The following MCC variants were observed in gnomAD, a reference collection of about 807,000 sequenced individuals.
The protein encoded by MCC is MCC regulator of Wnt signaling pathway.
MCC carries 90 observed loss-of-function variants against 116.2 expected under a neutral mutation model. The ratio of observed to expected loss-of-function variants is 0.77; its 90% CI spans 0.65 to 0.92. The LOEUF (loss-of-function observed/expected upper bound fraction) is 0.92, where lower values mean the gene tolerates loss of function less well. MCC is among the 40% of genes least tolerant of loss of function. The pLI, the probability that MCC is intolerant of heterozygous loss-of-function variation, is 0.00. For synonymous variants in MCC, 578 were observed against 510.5 expected, an observed-to-expected ratio of 1.13 and a Z score of -1.78; for missense variants, 1,516 against 1,312.2, an observed-to-expected ratio of 1.16 and a Z score of -2.40.
At chr5:113,235,307 A>C (rs534195266) in intron 3 of MCC, among the ~76,000 whole-genome samples, 245 of 152,342 alleles carry the variant, frequency 1.6e-3, no homozygotes, top group Non-Finnish European at 2.9e-3. Context: ...CTAAATAAAA[A>C]CACTAGCCTC....
At chr5:113,189,390 T>C (rs1248844322) in intron 3 of MCC, among the ~76,000 whole-genome samples, 3 of 152,202 alleles carry the variant, frequency 2.0e-5, no homozygotes, top group African/African-American at 7.2e-5. Flanking sequence ...AGAATGCTGC[T>C]TGAAGGATCA....
chr5:113,466,630 G>A (rs1172862684), intron 1 of MCC, among the ~76,000 whole-genome samples: 2 of 151,990 alleles, frequency 1.3e-5, no homozygotes, highest in Non-Finnish European at 2.9e-5. Flanking sequence ...TGTGAATAGT[G>A]CTGCTATAAA....
At chr5:113,234,891 C>T (rs1405020539) in intron 3 of MCC, among the ~76,000 whole-genome samples, 5 of 152,162 alleles carry the variant, frequency 3.3e-5, no homozygotes, top group African/African-American at 1.2e-4. Context: ...ATGAAAGAGA[C>T]AAAAATATCT....
In MCC at chr5:113,404,931, C is replaced by G. The variant is rs139212916; in HGVS notation, c.171-19719G>C. On this transcript the variant is annotated intron_variant, in intron 1 of 18. Coordinates refer to ENST00000408903, the MANE Select transcript of MCC (RefSeq NM_001085377.2). ...GCACAGACTACATCTGGAAGGAGACCTACGGAGCTGTTACCAGTGACTGAC... is the reference window on the plus strand; with the variant it reads ...GCACAGACTACATCTGGAAGGAGACGTACGGAGCTGTTACCAGTGACTGAC... Among the ~76,000 whole-genome samples, 767 of 152,228 alleles carry G rather than the reference C, an allele frequency of 5.0e-3. 4 individuals are homozygous for G. Among genetic ancestry groups the G allele is most frequent in the African/African-American group, 0.017 (714 of 41,534 alleles).
chr5:113,231,459 A>G (rs146829176), intron 3 of MCC, among the ~76,000 whole-genome samples: 1 of 152,340 alleles, frequency 6.6e-6, no homozygotes, highest in East Asian at 1.9e-4. Flanking sequence ...ACAATGAAAG[A>G]GACCTGCTAT....
chr5:113,182,784 C>T (rs1239130485), intron 3 of MCC, among the ~76,000 whole-genome samples: 3 of 152,210 alleles, frequency 2.0e-5, no homozygotes, highest in African/African-American at 7.2e-5. Flanking sequence ...AGGCCTGGCA[C>T]ACAGGGGCAC....
chr5:113,275,678 A>G (rs1467098468), intron 3 of MCC, among the ~76,000 whole-genome samples: 2 of 152,210 alleles, frequency 1.3e-5, no homozygotes, highest in East Asian at 3.9e-4. Context: ...ATAAAGAAAC[A>G]AGACAGTATA....
chr5:113,245,841 C>T (rs961928729), intron 3 of MCC, among the ~76,000 whole-genome samples: 1 of 152,138 alleles, frequency 6.6e-6, no homozygotes, highest in Non-Finnish European at 1.5e-5. Flanking sequence ...GCAACTGCCA[C>T]TTTGAAAGGA....
At chr5:113,435,468 A>T (rs887753339) in intron 1 of MCC, 4 of 152,130 alleles carry the variant, frequency 2.6e-5, no homozygotes, top group Non-Finnish European at 5.9e-5. Flanking sequence ...GGGGAGAAAA[A>T]GCCAGCCTCA....
At chr5:113,451,954 G>T (rs1038114965) in intron 1 of MCC, among the ~76,000 whole-genome samples, 1 of 152,210 alleles carries the variant, frequency 6.6e-6, no homozygotes, top group Non-Finnish European at 1.5e-5. Context: ...GCCTGCCTAA[G>T]GCTGGAATGA....
At chr5:113,263,156 G>C (rs1248018895) in intron 3 of MCC, among the ~76,000 whole-genome samples, 1 of 152,196 alleles carries the variant, frequency 6.6e-6, no homozygotes, top group Non-Finnish European at 1.5e-5. Context: ...GGAGAGTGCT[G>C]TTGTCTCTTC....
At chr5:113,241,828 T>G (rs1764378522) in intron 3 of MCC, among the ~76,000 whole-genome samples, 1 of 152,244 alleles carries the variant, frequency 6.6e-6, no homozygotes, top group Non-Finnish European at 1.5e-5. Context: ...TAGACAAGTC[T>G]TCTCTGGAAA....
rs549881033 is a variant in MCC, at chr5:113,246,943, A to G, written c.627+93576T>C. Among the ~76,000 whole-genome samples the G allele has an allele frequency of 3.9e-5, 6 of 152,314 alleles. No individual in the cohort carries two copies. In the South Asian group the frequency reaches 1.0e-3, roughly 26 times the overall value. ...ATATTTAAGCAGGAGGCAAAAACTGAAGCTAGGAGAGATCCGGAGTCTTGG... is the reference window on the plus strand; with the variant it reads ...ATATTTAAGCAGGAGGCAAAAACTGGAGCTAGGAGAGATCCGGAGTCTTGG... On this transcript the variant is annotated intron_variant, in intron 3 of 18. Coordinates refer to ENST00000408903, the MANE Select transcript of MCC (RefSeq NM_001085377.2).
intron 3 of MCC, among the ~76,000 whole-genome samples, chr5:113,260,138 T>C (rs1182718875): frequency 6.6e-6 from 1 of 152,130 alleles, no homozygotes; most frequent in East Asian, 1.9e-4. Flanking sequence ...ATTCAACTTT[T>C]TGTTTTCAGG....
At chr5:113,475,615 T>C (rs1375784446) in intron 1 of MCC, among the ~76,000 whole-genome samples, 1 of 152,210 alleles carries the variant, frequency 6.6e-6, no homozygotes, top group Non-Finnish European at 1.5e-5. Flanking sequence ...GCTTCCACTC[T>C]GAGACTAAGA....
Position 113,071,253 on chromosome 5 carries a change from C to T in MCC, c.1785-19G>A, listed in dbSNP as rs911761814. On this transcript the variant is annotated intron_variant, in intron 11 of 18. Transcript: ENST00000408903. The stretch of plus-strand genomic sequence containing the variant: ...AATCCGGCTACAAAGGAACAAAAAT[C>T]AGATTCACACTAGGGTTACAGTTAA... The T allele has an allele frequency of 1.2e-6, 2 of 1,611,602 alleles. No individual in the cohort carries two copies. The highest frequency in any genetic ancestry group is 2.7e-5 in the African/African-American group (2 of 74,850).
chr5:113,067,793 C>T (rs149332561), intron 13 of MCC, among the ~76,000 whole-genome samples: 2 of 152,384 alleles, frequency 1.3e-5, no homozygotes, highest in Non-Finnish European at 2.9e-5. Context: ...CCCCTTTCAT[C>T]GCTGATGCGG....
In MCC at chr5:113,314,805, C is replaced by A. The variant is rs1293214735; in HGVS notation, c.627+25714G>T. Among the ~76,000 whole-genome samples the A allele has an allele frequency of 2.0e-5, 3 of 152,270 alleles. No homozygotes were observed. In the East Asian group the frequency reaches 5.8e-4, roughly 29 times the overall value. The stretch of plus-strand genomic sequence containing the variant: ...GTTTCACCATGTTGGCCAGGCTGGT[C>A]TCGAACTCCTGACCTCAGTTGACCC... On this transcript the variant is annotated intron_variant, in intron 3 of 18. Transcript: ENST00000408903.
At chr5:113,488,009 A>G (rs760309382) in intron 1 of MCC, among the ~76,000 whole-genome samples, 11 of 152,116 alleles carry the variant, frequency 7.2e-5, no homozygotes, top group Non-Finnish European at 1.2e-4. Context: ...CCCAACGCCT[A>G]GACAAAGACA....
Sources: allele counts gnomAD v4.1 joint callset (sites outside exome capture counted in the v4.1 genomes callset), GRCh38; gene constraint gnomAD v4.1.1; transcripts MANE v1.5; gene names NCBI Gene and HGNC (gene_info 2026-07-23, HGNC 2026-07-21).